Variants in PREX1 observed in about 807,000 individuals in gnomAD.
PREX1 encodes phosphatidylinositol 3,4,5-trisphosphate-dependent Rac exchanger 1 protein.
In PREX1, 41 loss-of-function variants were observed where a neutral mutation model predicts 198.3. The ratio of observed to expected loss-of-function variants is 0.21; its 90% CI spans 0.16 to 0.27. The LOEUF (loss-of-function observed/expected upper bound fraction) is 0.27. Ranked by LOEUF, PREX1 falls within the 10% of genes least tolerant of loss-of-function variation. The pLI, the probability that PREX1 is intolerant of heterozygous loss-of-function variation, is 1.00. For synonymous variants in PREX1, 843 were observed against 887.2 expected, an observed-to-expected ratio of 0.95 and a Z score of 0.89; for missense variants, 1,620 against 2,200.7, an observed-to-expected ratio of 0.74 and a Z score of 5.28.
At chr20:48,789,125 A>G (rs953735253) in intron 1 of PREX1, among the ~76,000 whole-genome samples, 1 of 152,218 alleles carries the variant, frequency 6.6e-6, no homozygotes, top group African/African-American at 2.4e-5. Context: ...GGATTAAATA[A>G]AACCCTGACT....
chr20:48,710,210 C>T (rs1284852171), intron 5 of PREX1, among the ~76,000 whole-genome samples: 2 of 152,200 alleles, frequency 1.3e-5, no homozygotes, highest in Non-Finnish European at 2.9e-5. Flanking sequence ...GGAAGCAACA[C>T]AAAGGCAGGC....
chr20:48,752,020 G>C (rs879936709), intron 1 of PREX1, among the ~76,000 whole-genome samples: 1 of 152,168 alleles, frequency 6.6e-6, no homozygotes, highest in Non-Finnish European at 1.5e-5. Flanking sequence ...TCTTGGGGGT[G>C]CTGGAAATGT....
chr20:48,748,821 G>T (rs918133163), intron 1 of PREX1, among the ~76,000 whole-genome samples: 5 of 152,188 alleles, frequency 3.3e-5, no homozygotes, highest in Admixed American at 6.5e-5. Context: ...TTCGGATTTG[G>T]GTGTTGTTGT....
chr20:48,676,339 C>G, intron 13 of PREX1, 71 bp from the exon 14 acceptor site: 1 of 1,410,456 alleles, frequency 7.1e-7, no homozygotes, highest in South Asian at 1.2e-5. Flanking sequence ...GTCCTGACTT[C>G]CCTGCAGGAC....
At chr20:48,642,024 G>A (rs2122863643) in intron 29 of PREX1, 144 bp downstream of exon 29, 2 of 756,554 alleles carry the variant, frequency 2.6e-6, no homozygotes, top group South Asian at 1.7e-5. Flanking sequence ...ACTGGATGTG[G>A]CCCATGGGCT....
At chr20:48,730,481 G>A (rs2069598258) in intron 4 of PREX1, among the ~76,000 whole-genome samples, 1 of 151,806 alleles carries the variant, frequency 6.6e-6, no homozygotes, top group South Asian at 2.1e-4. Flanking sequence ...CATAGACGAT[G>A]CTAGAATAGG....
intron 14 of PREX1, among the ~76,000 whole-genome samples, chr20:48,675,930 G>A (rs906344514): frequency 6.6e-6 from 1 of 151,980 alleles, no homozygotes; most frequent in African/African-American, 2.4e-5. Flanking sequence ...CCAGCTACTT[G>A]GGAGGCTGAG....
chr20:48,837,998 T>C, the PREX1 span, among the ~76,000 whole-genome samples: 1 of 152,166 alleles, frequency 6.6e-6, no homozygotes, highest in Non-Finnish European at 1.5e-5. Context: ...ATACATGATG[T>C]AGGTATGATT....
chr20:48,642,200 G>T lies in PREX1; in HGVS notation c.3743C>A (p.Thr1248Asn). ...GCTGTGGTTCATAGGGAAATGCTTG[G>T]TCTCTTCGAAAGCCCGGCTCATGAC... ...GPVMSRAFEE[T>N]KHFPMNHSLQ... is the part of the protein sequence containing the mutation. The change falls in exon 29 of 40, where the codon ACC becomes AAC. Residue 1248 changes from threonine (T) to asparagine (N), a missense_variant. Transcript: ENST00000371941. 2 of 1,614,204 alleles carry T rather than the reference G, an allele frequency of 1.2e-6. No homozygotes were observed. Among genetic ancestry groups the T allele is most frequent in the Non-Finnish European group, 1.7e-6 (2 of 1,180,030 alleles).
At chr20:48,786,213 C>T (rs778221352) in intron 1 of PREX1, among the ~76,000 whole-genome samples, 12 of 149,338 alleles carry the variant, frequency 8.0e-5, no homozygotes, top group Admixed American at 2.0e-4. Flanking sequence ...ATGCTGGGGG[C>T]GGGGGGTGGT....
At chr20:48,833,694 G>A in the PREX1 span, among the ~76,000 whole-genome samples, 95 of 152,102 alleles carry the variant, frequency 6.2e-4, no homozygotes, top group African/African-American at 2.1e-3. Context: ...CATCCGCCTC[G>A]ACCTCCCAAA....
intron 1 of PREX1, among the ~76,000 whole-genome samples, chr20:48,772,521 A>G (rs2090241189): frequency 6.6e-6 from 1 of 152,222 alleles, no homozygotes; most frequent in East Asian, 1.9e-4. Context: ...CCCAGCCACC[A>G]ACCACGGGAC....
intron 1 of PREX1, among the ~76,000 whole-genome samples, chr20:48,764,192 A>G (rs148619431): frequency 4.6e-4 from 70 of 152,274 alleles, no homozygotes; most frequent in African/African-American, 1.5e-3. Flanking sequence ...CTGGAGCCCA[A>G]TACAGTGCCA....
chr20:48,629,344 C>T, intron 37 of PREX1, 105 bp downstream of exon 37: 1 of 1,428,290 alleles, frequency 7.0e-7, no homozygotes, highest in African/African-American at 1.4e-5. Flanking sequence ...ATGGCAGAAC[C>T]AGGATTGGAA....
chr20:48,678,252 G>T (rs1256950322), intron 13 of PREX1, among the ~76,000 whole-genome samples: 1 of 151,972 alleles, frequency 6.6e-6, no homozygotes, highest in African/African-American at 2.4e-5. Flanking sequence ...GGAGGTTGCA[G>T]TAAGCCAAGA....
intron 5 of PREX1, among the ~76,000 whole-genome samples, chr20:48,721,045 T>G (rs2089982900): frequency 6.6e-6 from 1 of 152,242 alleles, no homozygotes; most frequent in African/African-American, 2.4e-5. Context: ...CCACAGTGTT[T>G]AACAAGTTCT....
chr20:48,801,563 G>A (rs1323184542), intron 1 of PREX1, among the ~76,000 whole-genome samples: 1 of 152,190 alleles, frequency 6.6e-6, no homozygotes, highest in Non-Finnish European at 1.5e-5. Context: ...TTTCTGTTGA[G>A]AAACCAGCCT....
chr20:48,868,469 G>A, the PREX1 span, among the ~76,000 whole-genome samples: 1 of 152,058 alleles, frequency 6.6e-6, no homozygotes, highest in Non-Finnish European at 1.5e-5. Flanking sequence ...GATTACAGGT[G>A]TGTGTCACCA....
At chr20:48,765,940 G>A (rs1256788166) in intron 1 of PREX1, among the ~76,000 whole-genome samples, 1 of 152,102 alleles carries the variant, frequency 6.6e-6, no homozygotes, top group Admixed American at 6.5e-5. Context: ...TGTCACATCA[G>A]CAGCAGCATC....
Sources: allele counts gnomAD v4.1 joint callset (sites outside exome capture counted in the v4.1 genomes callset), GRCh38; gene constraint gnomAD v4.1.1; transcripts MANE v1.5; gene names NCBI Gene and HGNC (gene_info 2026-07-23, HGNC 2026-07-21).